Variants in RNGTT observed in about 807,000 individuals in gnomAD.
RNGTT encodes the protein mRNA-capping enzyme.
A neutral mutation model predicts 79.3 loss-of-function variants in RNGTT; 33 were observed. The ratio of observed to expected loss-of-function variants is 0.42; its 90% CI spans 0.32 to 0.56. The LOEUF is 0.56. Ranked by LOEUF, RNGTT falls within the 20% of genes least tolerant of loss-of-function variation. The pLI is 0.17. For synonymous variants in RNGTT, 222 were observed against 235.9 expected, an observed-to-expected ratio of 0.94 and a Z score of 0.54; for missense variants, 497 against 739.1, an observed-to-expected ratio of 0.67 and a Z score of 3.80.
chr6:88,956,015 T>G (rs1220640799), intron 1 of RNGTT, among the ~76,000 whole-genome samples: 5 of 120,086 alleles, frequency 4.2e-5, no homozygotes, highest in African/African-American at 6.7e-5. Flanking sequence ...CACTCCAGCC[T>G]GGGTGACAGA....
intron 1 of RNGTT, among the ~76,000 whole-genome samples, chr6:88,961,557 C>T (rs1194079445): frequency 6.6e-6 from 1 of 152,192 alleles, no homozygotes; most frequent in African/African-American, 2.4e-5. Flanking sequence ...CTGCCTCGGC[C>T]TCCCGAGTAG....
intron 14 of RNGTT, among the ~76,000 whole-genome samples, chr6:88,675,810 A>G (rs1007897691): frequency 2.0e-5 from 3 of 152,200 alleles, no homozygotes; most frequent in Non-Finnish European, 4.4e-5. Context: ...AAAAAATTTA[A>G]AAGAAAACTT....
intron 14 of RNGTT, among the ~76,000 whole-genome samples, chr6:88,675,638 C>G (rs1774841633): frequency 4.0e-5 from 6 of 148,346 alleles, no homozygotes; most frequent in Admixed American, 1.3e-4. Flanking sequence ...CCTATGAAAT[C>G]TACATAAAAG....
rs746472579 is a variant in RNGTT, at chr6:88,647,701, T to TAAAAAAAAAAAAAAAAAAAAAAAAAAAA, written c.1506+30651_1506+30652insTTTTTTTTTTTTTTTTTTTTTTTTTTTT. ...CTGGGTGACAGAACCGACACCCTGT[T>TAAAAAAAAAAAAAAAAAAAAAAAAAAAA]AAAAAAAAAAAAAAAAGAAGAAGAA... On this transcript the variant is annotated intron_variant, in intron 14 of 15. Coordinates refer to ENST00000369485, the MANE Select transcript of RNGTT (RefSeq NM_003800.5). Among the ~76,000 whole-genome samples, 52 of 100,822 alleles carry TAAAAAAAAAAAAAAAAAAAAAAAAAAAA rather than the reference T, an allele frequency of 5.2e-4. 1 individual carries two copies. Among genetic ancestry groups the TAAAAAAAAAAAAAAAAAAAAAAAAAAAA allele is most frequent in the Middle Eastern group, 4.9e-3 (1 of 206 alleles). The allele number at this position is 100,822 out of a possible 152,430, so 66.1% of individuals were successfully genotyped here.
chr6:88,844,146 C>T (rs889369277), intron 11 of RNGTT, among the ~76,000 whole-genome samples: 1 of 151,794 alleles, frequency 6.6e-6, no homozygotes, highest in African/African-American at 2.4e-5. Flanking sequence ...AAAAGGGAAA[C>T]AGCCTAGTTT....
At chr6:88,633,786 G>A (rs180762671) in intron 14 of RNGTT, among the ~76,000 whole-genome samples, 110 of 152,156 alleles carry the variant, frequency 7.2e-4, no homozygotes, top group Middle Eastern at 3.4e-3. Context: ...TCAACTGCAC[G>A]TTTTTGTTTT....
At chr6:88,671,345 C>T (rs1335455614) in intron 14 of RNGTT, among the ~76,000 whole-genome samples, 1 of 152,102 alleles carries the variant, frequency 6.6e-6, no homozygotes, top group Admixed American at 6.5e-5. Context: ...GAAGTCAACC[C>T]TTTTAAAACA....
intron 6 of RNGTT, among the ~76,000 whole-genome samples, chr6:88,901,503 T>A (rs1783461860): frequency 3.1e-5 from 2 of 65,214 alleles, no homozygotes; most frequent in South Asian, 5.3e-4. Context: ...ATCTTTTTTT[T>A]TTTTTTTTTT....
At chr6:88,951,596 A>G (rs1320328267) in intron 1 of RNGTT, among the ~76,000 whole-genome samples, 1 of 152,202 alleles carries the variant, frequency 6.6e-6, no homozygotes, top group Non-Finnish European at 1.5e-5. Flanking sequence ...GAGCTCCCAA[A>G]GTGTGAGAGG....
chr6:88,809,535 C>T (rs1780067857), intron 11 of RNGTT, among the ~76,000 whole-genome samples: 1 of 151,978 alleles, frequency 6.6e-6, no homozygotes, highest in African/African-American at 2.4e-5. Flanking sequence ...ATTCTCTGAT[C>T]ATAATGAATT....
intron 13 of RNGTT, among the ~76,000 whole-genome samples, chr6:88,698,539 C>CT (rs1158410242): frequency 3.3e-5 from 5 of 151,112 alleles, no homozygotes; most frequent in Admixed American, 6.6e-5. Flanking sequence ...TGTAAAAGGC[C>CT]TTGAACAAAC....
chr6:88,761,005 G>T (rs1323545340), intron 13 of RNGTT, among the ~76,000 whole-genome samples: 1 of 116,200 alleles, frequency 8.6e-6, no homozygotes, highest in African/African-American at 3.2e-5. Context: ...TTAATGAATT[G>T]AAGCAAAAGA....
intron 13 of RNGTT, among the ~76,000 whole-genome samples, chr6:88,687,174 C>T (rs1025697320): frequency 3.3e-5 from 5 of 152,018 alleles, no homozygotes; most frequent in African/African-American, 9.7e-5. Flanking sequence ...GGACATTAAG[C>T]GTATGTAAAA....
At chr6:88,644,727 T>C (rs527453546) in intron 14 of RNGTT, among the ~76,000 whole-genome samples, 2 of 152,256 alleles carry the variant, frequency 1.3e-5, no homozygotes, top group Admixed American at 6.5e-5. Flanking sequence ...TAATCCAGCA[T>C]ATAAACAGAA....
chr6:88,902,090 C>T (rs895105409), intron 6 of RNGTT, among the ~76,000 whole-genome samples: 6 of 151,858 alleles, frequency 4.0e-5, no homozygotes, highest in Non-Finnish European at 4.4e-5. Context: ...CAGGAGGCTG[C>T]GATGAGAGGA....
At chr6:88,910,445 TAAAG>T (rs1282902248) in intron 4 of RNGTT, among the ~76,000 whole-genome samples, 4 of 151,884 alleles carry the variant, frequency 2.6e-5, no homozygotes, top group African/African-American at 9.7e-5. Context: ...CAGACAAAAA[TAAAG>T]AAAAAGAATC....
chr6:88,633,919 C>T (rs528407265), intron 14 of RNGTT, among the ~76,000 whole-genome samples: 2 of 152,174 alleles, frequency 1.3e-5, no homozygotes, highest in South Asian at 2.1e-4. Flanking sequence ...CCATCTCACA[C>T]GTGTTTTTAT....
chr6:88,886,408 A>G (rs1190979973), intron 8 of RNGTT, among the ~76,000 whole-genome samples: 1 of 152,234 alleles, frequency 6.6e-6, no homozygotes, highest in Non-Finnish European at 1.5e-5. Context: ...TAATATTGAC[A>G]CTTTTGGTGA....
intron 14 of RNGTT, among the ~76,000 whole-genome samples, chr6:88,623,406 CTT>C (rs945811359): frequency 6.6e-6 from 1 of 152,034 alleles, no homozygotes; most frequent in Non-Finnish European, 1.5e-5. Context: ...TGTTTCTTCT[CTT>C]GTCTTCTCCA....
Sources: allele counts gnomAD v4.1 joint callset (sites outside exome capture counted in the v4.1 genomes callset), GRCh38; gene constraint gnomAD v4.1.1; transcripts MANE v1.5; gene names NCBI Gene and HGNC (gene_info 2026-07-23, HGNC 2026-07-21).